Variants in CSMD3 observed in about 807,000 individuals in gnomAD.
CSMD3 encodes the protein CUB and sushi domain-containing protein 3.
In CSMD3, 177 loss-of-function variants were observed where a neutral mutation model predicts 435.2. The observed-to-expected ratio is 0.41, with a 90% CI of 0.36 to 0.46. The LOEUF is 0.46. Ranked by LOEUF, CSMD3 falls within the 20% of genes least tolerant of loss-of-function variation. The pLI, the probability that CSMD3 is intolerant of heterozygous loss-of-function variation, is 0.34. For missense variants in CSMD3, 4,265 were observed against 4,504.6 expected, an observed-to-expected ratio of 0.95 and a Z score of 1.52; for synonymous variants, 1,656 against 1,520.5, an observed-to-expected ratio of 1.09 and a Z score of -2.07.
At chr8:113,110,452 T>C (rs1176198720) in intron 4 of CSMD3, among the ~76,000 whole-genome samples, 1 of 152,202 alleles carries the variant, frequency 6.6e-6, no homozygotes, top group African/African-American at 2.4e-5. Flanking sequence ...ACATGAACAA[T>C]ATGCAGCCAA....
chr8:112,495,423 G>T (rs1395762907), intron 30 of CSMD3, among the ~76,000 whole-genome samples: 1 of 152,126 alleles, frequency 6.6e-6, no homozygotes, highest in African/African-American at 2.4e-5. Flanking sequence ...CAAGCATCCG[G>T]TTTTTTGAGG....
chr8:112,280,160 T>G (rs1818483521), intron 59 of CSMD3, among the ~76,000 whole-genome samples: 1 of 152,170 alleles, frequency 6.6e-6, no homozygotes, highest in Non-Finnish European at 1.5e-5. Context: ...GTATATATAC[T>G]CTGTCCAAAC....
chr8:112,988,173 T>A (rs370249805), intron 6 of CSMD3, among the ~76,000 whole-genome samples: 4 of 151,974 alleles, frequency 2.6e-5, no homozygotes, highest in Non-Finnish European at 4.4e-5. Context: ...CTTGCGCAAA[T>A]CAAGGGAAGA....
chr8:112,280,456 A>G (rs1563731120), intron 59 of CSMD3, among the ~76,000 whole-genome samples: 2 of 151,894 alleles, frequency 1.3e-5, no homozygotes, highest in African/African-American at 4.8e-5. Flanking sequence ...TTTTTTGTAG[A>G]GACAGGGTTT....
chr8:112,600,100 CG>C (rs1832190353), intron 22 of CSMD3, among the ~76,000 whole-genome samples: 1 of 151,238 alleles, frequency 6.6e-6, no homozygotes, highest in Non-Finnish European at 1.5e-5. Context: ...ACCCAAAAAT[CG>C]AATAACTTAA....
At chr8:112,285,400 T>C (rs1819087594) in intron 58 of CSMD3, among the ~76,000 whole-genome samples, 1 of 152,058 alleles carries the variant, frequency 6.6e-6, no homozygotes, top group African/African-American at 2.4e-5. Flanking sequence ...ATCAACTAAG[T>C]TGCAACTCCT....
chr8:112,757,637 TG>T (rs199686166), intron 13 of CSMD3, among the ~76,000 whole-genome samples: 2,911 of 152,238 alleles, frequency 0.019, 51 homozygotes, highest in Middle Eastern at 0.048. Context: ...GAAGAGCAGT[TG>T]ATTTTTAGTT....
At chr8:112,915,569 T>G (rs971572164) in intron 10 of CSMD3, among the ~76,000 whole-genome samples, 1 of 151,958 alleles carries the variant, frequency 6.6e-6, no homozygotes. Flanking sequence ...AAAGATACAT[T>G]GTTTAAACTC....
At chr8:112,353,098 C>T (rs1586852743) in intron 38 of CSMD3, among the ~76,000 whole-genome samples, 1 of 151,916 alleles carries the variant, frequency 6.6e-6, no homozygotes, top group South Asian at 2.1e-4. Context: ...ATACTATAAT[C>T]AAAAAGGAGA....
chr8:112,478,277 GC>G (rs1383080527), intron 31 of CSMD3, among the ~76,000 whole-genome samples: 4 of 152,142 alleles, frequency 2.6e-5, no homozygotes, highest in Non-Finnish European at 4.4e-5. Context: ...TGTAGAAATG[GC>G]TTTAGAAATG....
intron 23 of CSMD3, 89 bp downstream of exon 23, chr8:112,586,977 C>G (rs1485033406): frequency 3.6e-6 from 3 of 840,936 alleles, no homozygotes; most frequent in Non-Finnish European, 5.8e-6. Flanking sequence ...TATACATACA[C>G]ATATATATAT....
chr8:113,357,266 G>C (rs1275402583), intron 1 of CSMD3, among the ~76,000 whole-genome samples: 2 of 152,120 alleles, frequency 1.3e-5, no homozygotes, highest in Non-Finnish European at 2.9e-5. Flanking sequence ...CTGTGAGCTG[G>C]TTGTGTTATT....
At chr8:112,652,581 G>C (rs2075154473) in intron 18 of CSMD3, among the ~76,000 whole-genome samples, 1 of 152,134 alleles carries the variant, frequency 6.6e-6, no homozygotes, top group African/African-American at 2.4e-5. Flanking sequence ...AAAGTAAGAT[G>C]ATGTATTTCT....
intron 5 of CSMD3, among the ~76,000 whole-genome samples, chr8:113,048,412 G>GA (rs1177259414): frequency 6.6e-6 from 1 of 151,956 alleles, no homozygotes; most frequent in Non-Finnish European, 1.5e-5. Context: ...TTCTTACTCG[G>GA]AAAAATCAGT....
chr8:113,233,024 A>C (rs928019191), intron 3 of CSMD3, among the ~76,000 whole-genome samples: 1 of 151,950 alleles, frequency 6.6e-6, no homozygotes, highest in African/African-American at 2.4e-5. Flanking sequence ...GTTAAGATAT[A>C]AATTTTAACA....
At chr8:112,956,139 G>T (rs1253300755) in intron 7 of CSMD3, among the ~76,000 whole-genome samples, 2 of 152,058 alleles carry the variant, frequency 1.3e-5, no homozygotes, top group East Asian at 3.9e-4. Context: ...GTGGGATTTT[G>T]GACAAGAATC....
chr8:113,307,730 C>T (rs144504087), intron 2 of CSMD3, among the ~76,000 whole-genome samples: 9 of 152,192 alleles, frequency 5.9e-5, no homozygotes, highest in Non-Finnish European at 1.2e-4. Context: ...TTTGAACAAA[C>T]TCTTCATAAA....
rs757836102 is a variant in CSMD3 at position 112,319,920 on chromosome 8, T to C, written c.7227A>G (p.Glu2409=). Residue 2409 remains glutamate (E), a synonymous_variant, in exon 46 of 71, where the codon GAA becomes GAG. Transcript: ENST00000297405. Reference sequence around the variant, plus strand: ...CTTTACCTATTTCAAATTCATCATCTTCCGTCAAAATTTCAGCATTGGGCA... The same window carrying C: ...CTTTACCTATTTCAAATTCATCATCCTCCGTCAAAATTTCAGCATTGGGCA... ...PPVPNAEILT[E]DDEFEIGDII... 3.1e-6 allele frequency: 5 copies of C among 1,611,964 alleles called. No homozygotes were observed. The highest frequency in any genetic ancestry group is 1.7e-4 in the Middle Eastern group (1 of 6,060).
intron 35 of CSMD3, 79 bp from the exon 36 acceptor site, chr8:112,390,867 T>C: frequency 3.1e-6 from 4 of 1,284,248 alleles, no homozygotes; most frequent in Non-Finnish European, 4.5e-6. Flanking sequence ...AGAGATAACA[T>C]CTTAGACAGA....
Sources: gnomAD v4.1 joint callset for allele counts (sites outside exome capture counted in the v4.1 genomes callset) on GRCh38, gnomAD v4.1.1 for gene constraint, MANE v1.5 for transcripts, NCBI Gene and HGNC (gene_info 2026-07-23, HGNC 2026-07-21) for gene names.